BAALC: variants seen among roughly 807,000 people sequenced by gnomAD.
The protein encoded by BAALC is BAALC binder of MAP3K1 and KLF4, also known as brain and acute leukemia cytoplasmic protein.
Under a neutral mutation model 15.5 loss-of-function variants are expected in BAALC, and 9 were observed. That is an observed-to-expected ratio of 0.58 (90% CI 0.35 to 1.02). The LOEUF is 1.02. Among genes scored for constraint, BAALC ranks in the 50% least tolerant of loss-of-function variants. The pLI, the probability that BAALC is intolerant of heterozygous loss-of-function variation, is 0.02. For missense variants in BAALC, 201 were observed against 192.4 expected, an observed-to-expected ratio of 1.04 and a Z score of -0.27; for synonymous variants, 80 against 74.6, an observed-to-expected ratio of 1.07 and a Z score of -0.37.
intron 1 of BAALC, among the ~76,000 whole-genome samples, chr8:103,151,742 A>G (rs1402311720): frequency 1.5e-5 from 2 of 130,016 alleles, no homozygotes; most frequent in African/African-American, 6.7e-5. Context: ...GCTATCCTAT[A>G]CTTTCCCTCT....
intron 1 of BAALC, among the ~76,000 whole-genome samples, chr8:103,192,528 CTAAA>C (rs1811994534): frequency 6.6e-6 from 1 of 151,494 alleles, no homozygotes; most frequent in South Asian, 2.1e-4. Flanking sequence ...CCCTTTCTTT[CTAAA>C]TAGTCAGTTG....
intron 1 of BAALC, among the ~76,000 whole-genome samples, chr8:103,154,861 C>G (rs944170980): frequency 6.6e-6 from 1 of 151,888 alleles, no homozygotes; most frequent in Non-Finnish European, 1.5e-5. Context: ...GAGGTAAACC[C>G]TTACTGGAGA....
intron 1 of BAALC, among the ~76,000 whole-genome samples, chr8:103,202,015 TA>T (rs1223127773): frequency 6.6e-6 from 1 of 152,196 alleles, no homozygotes; most frequent in Non-Finnish European, 1.5e-5. Flanking sequence ...TGGGACACAG[TA>T]GGCAAAATGT....
intron 1 of BAALC, among the ~76,000 whole-genome samples, chr8:103,183,118 C>A (rs568882592): frequency 6.6e-6 from 1 of 152,120 alleles, no homozygotes; most frequent in Non-Finnish European, 1.5e-5. Flanking sequence ...TGTTTTATTT[C>A]CTGGGGCTGG....
intron 2 of BAALC, among the ~76,000 whole-genome samples, chr8:103,215,420 T>C (rs933194159): frequency 6.6e-6 from 1 of 152,162 alleles, no homozygotes; most frequent in African/African-American, 2.4e-5. Flanking sequence ...AATAGTGTAT[T>C]AGTCAGTTGT....
At chr8:103,209,023 G>A (rs989284935) in intron 1 of BAALC, among the ~76,000 whole-genome samples, 1 of 152,102 alleles carries the variant, frequency 6.6e-6, no homozygotes, top group Non-Finnish European at 1.5e-5. Context: ...GGCTCAGTAG[G>A]GGCCTCTCAC....
intron 1 of BAALC, chr8:103,166,269 C>A (rs189221870): frequency 6.5e-6 from 1 of 152,684 alleles, no homozygotes; most frequent in Non-Finnish European, 1.5e-5. Context: ...CTTAGAATGC[C>A]GCAGACCCGC....
At chr8:103,164,255 G>A (rs754880605) in intron 1 of BAALC, among the ~76,000 whole-genome samples, 3 of 152,162 alleles carry the variant, frequency 2.0e-5, no homozygotes, top group Non-Finnish European at 4.4e-5. Context: ...TGAGGTGAAA[G>A]TAACTGGGGG....
intron 1 of BAALC, among the ~76,000 whole-genome samples, chr8:103,196,975 A>G (rs1292351216): frequency 6.6e-6 from 1 of 152,080 alleles, no homozygotes; most frequent in African/African-American, 2.4e-5. Context: ...AAATACACTC[A>G]TTTTCTCACT....
At chr8:103,200,509 C>G (rs1302341707) in intron 1 of BAALC, 4 of 438,750 alleles carry the variant, frequency 9.1e-6, no homozygotes, top group Non-Finnish European at 1.6e-5. Flanking sequence ...ACCAGGAAAA[C>G]AGCTGCCACT....
Position 103,140,950 on chromosome 8 carries a change from G to A in BAALC, c.53G>A (p.Ser18Asn), listed in dbSNP as rs1170605244. 6.5e-7 allele frequency: 1 copy of A among 1,540,388 alleles called. No individual in the cohort carries two copies. Among genetic ancestry groups the A allele is most frequent in the Non-Finnish European group, 8.7e-7 (1 of 1,144,414 alleles). ...ADAIEPRYYE[S>N]WTRETESTWL... Reference sequence around the variant, plus strand: ...GCCATCGAGCCCCGCTACTACGAGAGCTGGACCCGGGAGACAGAATCCACC... The same window carrying A: ...GCCATCGAGCCCCGCTACTACGAGAACTGGACCCGGGAGACAGAATCCACC... The change falls in exon 1 of 3, where the codon AGC (serine) becomes AAC (asparagine). Residue 18 changes from serine to asparagine, a missense_variant. Physicochemically the swap from Ser to Asn is conservative, Grantham distance 46 (BLOSUM62 1). Transcript: ENST00000309982. The surrounding 1 kb of genome is among the most constrained non-coding windows in gnomAD (Gnocchi z 4.2).
At chr8:103,206,420 A>G (rs1393023489) in intron 1 of BAALC, among the ~76,000 whole-genome samples, 3 of 152,146 alleles carry the variant, frequency 2.0e-5, no homozygotes, top group Admixed American at 6.5e-5. Context: ...AGAAGTATGT[A>G]GAGGTCATGG....
chr8:103,176,794 G>A (rs969168420), intron 1 of BAALC, among the ~76,000 whole-genome samples: 14 of 152,094 alleles, frequency 9.2e-5, no homozygotes, highest in African/African-American at 2.4e-4. Context: ...GACATGATCC[G>A]GGAAATTTTT....
chr8:103,173,190 A>C lies in BAALC; in HGVS notation c.160+32133A>C, dbSNP rs191527931. On this transcript the variant is annotated intron_variant, in intron 1 of 2. Transcript: ENST00000309982. Reference sequence around the variant, plus strand: ...CCAGCTTTAGCCATCCACGGCACTTACTGCAAGTTGGTGCATCTAAGGATG... The same window carrying C: ...CCAGCTTTAGCCATCCACGGCACTTCCTGCAAGTTGGTGCATCTAAGGATG... Among the ~76,000 whole-genome samples the C allele has an allele frequency of 5.3e-5, 8 of 152,288 alleles. No homozygotes were observed. The East Asian group carries it at 1.2e-3, about 22-fold the overall frequency.
At chr8:103,148,815 T>C (rs1189388006) in intron 1 of BAALC, among the ~76,000 whole-genome samples, 2 of 152,228 alleles carry the variant, frequency 1.3e-5, no homozygotes, top group Non-Finnish European at 2.9e-5. Context: ...TGTGAACATT[T>C]GGAAATAATA....
intron 1 of BAALC, among the ~76,000 whole-genome samples, chr8:103,175,467 C>T (rs142951981): frequency 5.7e-4 from 87 of 152,162 alleles, no homozygotes; most frequent in Middle Eastern, 3.4e-3. Context: ...CCTCTCTTTC[C>T]TAGTTAAATG....
chr8:103,162,237 C>T (rs61032159), intron 1 of BAALC, among the ~76,000 whole-genome samples: 2 of 152,174 alleles, frequency 1.3e-5, no homozygotes, highest in Non-Finnish European at 2.9e-5. Flanking sequence ...GTTGGGATTA[C>T]AGGAATGAGC....
chr8:103,168,448 A>G (rs544719504), intron 1 of BAALC, among the ~76,000 whole-genome samples: 11 of 151,514 alleles, frequency 7.3e-5, no homozygotes, highest in Admixed American at 3.9e-4. Context: ...GCTAAACCAG[A>G]TTAGGATTAC....
rs1812547672 is a variant in BAALC at position 103,216,089 on chromosome 8, G to T, written c.327+3004G>T. The stretch of plus-strand genomic sequence containing the variant: ...TATCCTTGTGAAAATCACCCATATT[G>T]TTCTGAGTTGCAATAATTTTCTCAT... On this transcript the variant is annotated intron_variant, in intron 2 of 2. Coordinates refer to ENST00000309982, the MANE Select transcript of BAALC (RefSeq NM_024812.3). Among the ~76,000 whole-genome samples the T allele has an allele frequency of 1.3e-5, 2 of 152,238 alleles. 1 individual carries two copies. Among genetic ancestry groups the T allele is most frequent in the South Asian group, 4.1e-4 (2 of 4,832 alleles).
Sources: allele counts gnomAD v4.1 joint callset (sites outside exome capture counted in the v4.1 genomes callset), GRCh38; gene constraint gnomAD v4.1.1; non-coding constraint Gnocchi (gnomAD v3.1); transcripts MANE v1.5; gene names NCBI Gene and HGNC (gene_info 2026-07-23, HGNC 2026-07-21).